NELL1: variants seen among roughly 807,000 people sequenced by gnomAD.
NELL1 encodes the protein protein kinase C-binding protein NELL1.
A neutral mutation model predicts 107.4 loss-of-function variants in NELL1; 76 were observed. The ratio of observed to expected loss-of-function variants is 0.71; its 90% CI spans 0.59 to 0.86. NELL1 has a LOEUF of 0.86. NELL1 is among the 40% of genes least tolerant of loss of function. The pLI, the probability that NELL1 is intolerant of heterozygous loss-of-function variation, is 0.00. For missense variants in NELL1, 1,024 were observed against 1,005.5 expected (o/e 1.02, Z -0.25); for synonymous variants, 353 against 341.2 (o/e 1.03, Z -0.38).
chr11:20,814,887 A>T (rs78261296), intron 3 of NELL1, among the ~76,000 whole-genome samples: 23 of 152,246 alleles, frequency 1.5e-4, no homozygotes, highest in Admixed American at 3.3e-4. Context: ...ACTGCTTTAC[A>T]CAGTGACTGA....
intron 3 of NELL1, among the ~76,000 whole-genome samples, chr11:20,821,183 G>A (rs76104053): frequency 1.7e-3 from 259 of 152,290 alleles, no homozygotes; most frequent in African/African-American, 6.0e-3. Flanking sequence ...GGTTGCAGAG[G>A]TAGGTGGAGG....
intron 3 of NELL1, 87 bp downstream of exon 3, chr11:20,783,917 T>C (rs1017136782): frequency 4.5e-6 from 6 of 1,322,514 alleles, no homozygotes; most frequent in Non-Finnish European, 6.0e-6. Context: ...TGTAGCCCCA[T>C]GAAAACTTTC....
intron 15 of NELL1, among the ~76,000 whole-genome samples, chr11:21,429,569 A>T (rs1361298181): frequency 6.6e-6 from 1 of 152,208 alleles, no homozygotes; most frequent in Admixed American, 6.6e-5. Flanking sequence ...TTGGTATTTC[A>T]AGCAAGTTTG....
chr11:20,675,228 A>C (rs906283039), intron 1 of NELL1, among the ~76,000 whole-genome samples: 1 of 152,194 alleles, frequency 6.6e-6, no homozygotes, highest in African/African-American at 2.4e-5. Flanking sequence ...GCTTGCCTCA[A>C]AATCAAGAGA....
At chr11:20,904,802 ATTT>A (rs1005226249) in intron 5 of NELL1, among the ~76,000 whole-genome samples, 1 of 150,606 alleles carries the variant, frequency 6.6e-6, no homozygotes, top group Non-Finnish European at 1.5e-5. Flanking sequence ...CCCTGTCAAA[ATTT>A]TTTTTTAAGT....
At chr11:21,002,957 G>T (rs1367327052) in intron 12 of NELL1, among the ~76,000 whole-genome samples, 1 of 151,860 alleles carries the variant, frequency 6.6e-6, no homozygotes, top group African/African-American at 2.4e-5. Context: ...TCCTTAACAT[G>T]ATTATATTTT....
In NELL1 at chr11:21,204,390, C is replaced by T. The variant is rs561153936; in HGVS notation, c.1427-24942C>T. On this transcript the variant is annotated intron_variant, in intron 13 of 19. Coordinates refer to ENST00000357134, the MANE Select transcript of NELL1 (RefSeq NM_006157.5). ...TCAATCTCTGATATCCTTTCTTCTG[C>T]TTGATCTATTCAGCTATTGATACCA... Among the ~76,000 whole-genome samples the T allele has an allele frequency of 3.3e-5, 5 of 151,830 alleles. No individual in the cohort carries two copies. In the East Asian group the frequency reaches 7.9e-4, roughly 24 times the overall value.
At chr11:21,243,364 T>G (rs1858412072) in intron 14 of NELL1, among the ~76,000 whole-genome samples, 1 of 152,098 alleles carries the variant, frequency 6.6e-6, no homozygotes, top group Admixed American at 6.6e-5. Context: ...TGTAACTAGA[T>G]GAGGTAGAAA....
At chr11:20,876,490 G>T (rs1480860863) in intron 4 of NELL1, among the ~76,000 whole-genome samples, 3 of 152,212 alleles carry the variant, frequency 2.0e-5, no homozygotes, top group Non-Finnish European at 4.4e-5. Context: ...TCATCGCCGG[G>T]CACGGTGGCT....
At chr11:21,452,376 A>G (rs1257956860) in intron 15 of NELL1, among the ~76,000 whole-genome samples, 1 of 152,122 alleles carries the variant, frequency 6.6e-6, no homozygotes, top group Non-Finnish European at 1.5e-5. Context: ...TTCTTTTGAT[A>G]AGAAGTTGAA....
chr11:20,924,758 CTGT>C (rs1232716988), intron 7 of NELL1, among the ~76,000 whole-genome samples: 1 of 152,168 alleles, frequency 6.6e-6, no homozygotes, highest in East Asian at 1.9e-4. Flanking sequence ...TGGTTCAACT[CTGT>C]TGTTCAATCC....
At chr11:20,760,486 A>C (rs1421959259) in intron 2 of NELL1, among the ~76,000 whole-genome samples, 1 of 152,210 alleles carries the variant, frequency 6.6e-6, no homozygotes, top group African/African-American at 2.4e-5. Context: ...TTTATGTTCC[A>C]GACCATGAGC....
intron 3 of NELL1, among the ~76,000 whole-genome samples, chr11:20,813,930 T>A (rs575176908): frequency 1.3e-5 from 2 of 151,974 alleles, no homozygotes; most frequent in African/African-American, 4.8e-5. Context: ...AGGTATTTTT[T>A]AAAATTTCAA....
chr11:21,238,853 T>C lies in NELL1; in HGVS notation c.1549+9399T>C, dbSNP rs370104240. ...TTTTGATATTTCTGTTTACTAGCTA[T>C]GTGACTTCAGCAAGTGACTAAATTG... On this transcript the variant is annotated intron_variant, in intron 14 of 19. Coordinates refer to ENST00000357134, the MANE Select transcript of NELL1 (RefSeq NM_006157.5). Among the ~76,000 whole-genome samples, 23 of 152,206 alleles carry C rather than the reference T, an allele frequency of 1.5e-4. No homozygotes were observed. The South Asian group carries it at 4.8e-3, about 32-fold the overall frequency.
chr11:20,987,541 C>G (rs544297689), intron 12 of NELL1, among the ~76,000 whole-genome samples: 4 of 152,022 alleles, frequency 2.6e-5, no homozygotes, highest in Non-Finnish European at 5.9e-5. Flanking sequence ...AAGTGCAGAG[C>G]GAAATGGAGG....
chr11:21,410,428 G>GAGAGA (rs1554906858), intron 15 of NELL1, among the ~76,000 whole-genome samples: 1 of 151,928 alleles, frequency 6.6e-6, no homozygotes, highest in Non-Finnish European at 1.5e-5. Context: ...GAAAGCAGAG[G>GAGAGA]AGAGAAGAGA....
At chr11:21,526,526 A>C (rs1374231537) in intron 15 of NELL1, among the ~76,000 whole-genome samples, 1 of 152,008 alleles carries the variant, frequency 6.6e-6, no homozygotes, top group African/African-American at 2.4e-5. Context: ...CCAATCCCAC[A>C]TTTTCCTTTT....
chr11:20,778,307 C>T (rs539376850), intron 2 of NELL1, among the ~76,000 whole-genome samples: 1 of 152,012 alleles, frequency 6.6e-6, no homozygotes, highest in Non-Finnish European at 1.5e-5. Flanking sequence ...CTTTTATTTC[C>T]CCAGTGCCAA....
chr11:20,821,967 G>A (rs1288701571), intron 3 of NELL1, among the ~76,000 whole-genome samples: 3 of 152,154 alleles, frequency 2.0e-5, no homozygotes, highest in South Asian at 2.1e-4. Flanking sequence ...GTAGTACTAC[G>A]TCCAGTTCTT....
Sources: gnomAD v4.1 joint callset for allele counts (sites outside exome capture counted in the v4.1 genomes callset) on GRCh38, gnomAD v4.1.1 for gene constraint, MANE v1.5 for transcripts, NCBI Gene and HGNC (gene_info 2026-07-23, HGNC 2026-07-21) for gene names.